Variants in COL21A1 observed in about 807,000 individuals in gnomAD.
The protein encoded by COL21A1 is collagen alpha-1(XXI) chain.
A neutral mutation model predicts 137.9 loss-of-function variants in COL21A1; 149 were observed. The ratio of observed to expected loss-of-function variants is 1.08; its 90% CI spans 0.95 to 1.24. The LOEUF is 1.24. COL21A1 is among the 50% of genes most tolerant of loss of function. The probability of loss-of-function intolerance (pLI) is 0.00; values close to 1 mark genes in which losing one functional copy is unlikely to be tolerated. For missense variants in COL21A1, 1,167 were observed against 1,158.4 expected (o/e 1.01, Z -0.11); for synonymous variants, 456 against 391.5 (o/e 1.16, Z -1.95).
At chr6:56,060,713 T>A (rs1765714102) in intron 27 of COL21A1, 28 bp downstream of exon 27, 2 of 1,561,272 alleles carry the variant, frequency 1.3e-6, no homozygotes, top group Non-Finnish European at 1.7e-6. Context: ...TTGAGAAAAG[T>A]TATTAAAATG....
At chr6:56,366,616 T>C (rs1766106672) in intron 1 of COL21A1, among the ~76,000 whole-genome samples, 1 of 152,246 alleles carries the variant, frequency 6.6e-6, no homozygotes, top group African/African-American at 2.4e-5. Context: ...CTGCCCCCTC[T>C]GTCAGGTTAC....
At position 56,260,585 on chromosome 6, in the gene COL21A1, A is replaced by AAAG. The variant is rs70986789; in HGVS notation, c.-38-77932_-38-77930dup. Among the ~76,000 whole-genome samples, 462 of 91,650 alleles carry AAAG rather than the reference A, an allele frequency of 5.0e-3. 13 individuals are homozygous for AAAG. Among genetic ancestry groups the AAAG allele is most frequent in the African/African-American group, 0.012 (335 of 27,676 alleles). The allele number at this position is 91,650 out of a possible 152,430, so 60.1% of individuals were successfully genotyped here. The stretch of plus-strand genomic sequence containing the variant: ...CAAGACTCTATCAAAAAAAAAAAAG[A>AAAG]AAGAAGAAGAAGAAGAAGAAGAAGA... On this transcript the variant is annotated intron_variant, in intron 1 of 28. Coordinates refer to the COL21A1 transcript ENST00000370819.
intron 1 of COL21A1, among the ~76,000 whole-genome samples, chr6:56,272,949 A>G (rs1763562530): frequency 6.6e-6 from 1 of 152,202 alleles, no homozygotes; most frequent in South Asian, 2.1e-4. Flanking sequence ...AAATGGACTA[A>G]TACACATTCT....
intron 1 of COL21A1, among the ~76,000 whole-genome samples, chr6:56,213,944 C>A (rs566630924): frequency 6.6e-6 from 1 of 151,740 alleles, no homozygotes; most frequent in Admixed American, 6.6e-5. Context: ...GGAGGGTGAC[C>A]CAAGTATTTA....
intron 10 of COL21A1, among the ~76,000 whole-genome samples, chr6:56,143,346 G>A (rs532718767): frequency 6.6e-6 from 1 of 151,518 alleles, no homozygotes; most frequent in Non-Finnish European, 1.5e-5. Context: ...GACTACAGGC[G>A]TCCACCACCA....
chr6:56,291,126 G>A (rs1229893147), intron 1 of COL21A1, among the ~76,000 whole-genome samples: 1 of 152,146 alleles, frequency 6.6e-6, no homozygotes, highest in South Asian at 2.1e-4. Flanking sequence ...TCTGAACAGT[G>A]AGAATCTTGT....
chr6:56,323,140 C>A (rs1764915506), intron 1 of COL21A1, among the ~76,000 whole-genome samples: 1 of 152,002 alleles, frequency 6.6e-6, no homozygotes, highest in Admixed American at 6.6e-5. Flanking sequence ...ATCCATGCAA[C>A]ATGTATCCTT....
intron 3 of COL21A1, among the ~76,000 whole-genome samples, chr6:56,173,946 C>T (rs1777255898): frequency 6.6e-6 from 1 of 152,146 alleles, no homozygotes; most frequent in Non-Finnish European, 1.5e-5. Flanking sequence ...TGTTAAATCA[C>T]AAAACATGTC....
At chr6:56,269,906 A>G (rs796075376) in intron 1 of COL21A1, among the ~76,000 whole-genome samples, 5 of 152,344 alleles carry the variant, frequency 3.3e-5, no homozygotes, top group African/African-American at 1.2e-4. Flanking sequence ...CAACCAAATC[A>G]GACTTACAAG....
intron 1 of COL21A1, among the ~76,000 whole-genome samples, chr6:56,235,409 A>T (rs1164041784): frequency 6.6e-6 from 1 of 151,884 alleles, no homozygotes; most frequent in African/African-American, 2.4e-5. Context: ...CTGATTGTTT[A>T]ATATTCTAAG....
chr6:56,108,829 C>T (rs992761941), intron 16 of COL21A1, among the ~76,000 whole-genome samples: 4 of 151,744 alleles, frequency 2.6e-5, no homozygotes, highest in Non-Finnish European at 4.4e-5. Context: ...ATTAAACATA[C>T]AATAAGTCAA....
At chr6:56,112,935 T>C (rs1771581681) in intron 16 of COL21A1, among the ~76,000 whole-genome samples, 1 of 152,058 alleles carries the variant, frequency 6.6e-6, no homozygotes, top group Non-Finnish European at 1.5e-5. Flanking sequence ...CTGCCCGCCT[T>C]GCCCTCCCAA....
chr6:56,304,666 A>C (rs1020199220), intron 1 of COL21A1, among the ~76,000 whole-genome samples: 29 of 152,036 alleles, frequency 1.9e-4, no homozygotes, highest in Middle Eastern at 6.8e-3. Context: ...AATGTTGTTG[A>C]TCTTTTCAAA....
chr6:56,317,246 G>C (rs141150802), intron 1 of COL21A1, among the ~76,000 whole-genome samples: 322 of 152,234 alleles, frequency 2.1e-3, no homozygotes, highest in African/African-American at 7.1e-3. Flanking sequence ...TGAGTTCTGA[G>C]CTCTTTACTG....
intron 1 of COL21A1, among the ~76,000 whole-genome samples, chr6:56,184,640 T>C (rs1054856893): frequency 5.9e-5 from 9 of 152,130 alleles, no homozygotes; most frequent in African/African-American, 2.2e-4. Flanking sequence ...GTAATGCATA[T>C]GAAACAGTCA....
At chr6:56,184,045 T>C (rs1471673164) in intron 1 of COL21A1, among the ~76,000 whole-genome samples, 1 of 152,174 alleles carries the variant, frequency 6.6e-6, no homozygotes, top group Non-Finnish European at 1.5e-5. Flanking sequence ...CTAGAACTTA[T>C]GGAACAATAT....
rs115898152 is a variant in COL21A1, at chr6:56,346,704, T to C, written c.-39+47267A>G. Among the ~76,000 whole-genome samples the C allele has an allele frequency of 2.2e-3, 329 of 152,278 alleles. 2 individuals are homozygous for C. Among genetic ancestry groups the C allele is most frequent in the South Asian group, 0.021 (102 of 4,820 alleles). ...GTAAAACAGTGTGTACTGGCCTAAG[T>C]TGATTTGGAATGAATATTAATCCCA... On this transcript the variant is annotated intron_variant, in intron 1 of 28. Transcript: ENST00000370819.
At chr6:56,151,293 T>TA (rs903200279) in intron 10 of COL21A1, among the ~76,000 whole-genome samples, 9 of 152,134 alleles carry the variant, frequency 5.9e-5, no homozygotes, top group Non-Finnish European at 1.0e-4. Flanking sequence ...ATGAGCACTG[T>TA]AAAAATATAA....
chr6:56,266,305 G>T lies in COL21A1; in HGVS notation c.-38-83649C>A, dbSNP rs369825083. On this transcript the variant is annotated intron_variant, in intron 1 of 28. Coordinates refer to the COL21A1 transcript ENST00000370819. ...ACTGAACGTTCTAGACAAGGAGCTG[G>T]CAAACTACAGCCTTTGGACCAAATC... is the stretch of plus-strand genomic sequence containing the variant. Among the ~76,000 whole-genome samples, 3 of 152,168 alleles carry T rather than the reference G, an allele frequency of 2.0e-5. No homozygotes were observed. In the East Asian group the frequency reaches 5.8e-4, roughly 29 times the overall value.
Sources: gnomAD v4.1 joint callset for allele counts (sites outside exome capture counted in the v4.1 genomes callset) on GRCh38, gnomAD v4.1.1 for gene constraint, MANE v1.5 for transcripts, NCBI Gene and HGNC (gene_info 2026-07-23, HGNC 2026-07-21) for gene names.